OR2T1: variants seen among roughly 807,000 people sequenced by gnomAD.
OR2T1 encodes olfactory receptor family 2 subfamily T member 1.
For synonymous variants in OR2T1, 186 were observed against 145.4 expected (o/e 1.28, Z -2.01); for missense variants, 440 against 390.2 (o/e 1.13, Z -1.07).
At chr1:248,404,481 T>G (rs1661511716) in intron 1 of OR2T1, among the ~76,000 whole-genome samples, 1 of 149,224 alleles carries the variant, frequency 6.7e-6, no homozygotes, top group Non-Finnish European at 1.5e-5. Context: ...ATGATGACAT[T>G]GTACATAGTA....
At chr1:248,403,826 G>C (rs1346668363) in intron 1 of OR2T1, among the ~76,000 whole-genome samples, 1 of 152,048 alleles carries the variant, frequency 6.6e-6, no homozygotes, top group Non-Finnish European at 1.5e-5. Context: ...TAGATCTTTT[G>C]TATGCAGATA....
chr1:248,403,999 T>TTATA (rs144768956), intron 1 of OR2T1, among the ~76,000 whole-genome samples: 6 of 149,658 alleles, frequency 4.0e-5, no homozygotes, highest in African/African-American at 1.2e-4. Context: ...ATGTATATAC[T>TTATA]TATATATATA....
Position 248,407,262 on chromosome 1 carries a change from T to A in OR2T1, c.*158T>A, listed in dbSNP as rs149557507. 2.8e-4 allele frequency: 164 copies of A among 594,778 alleles called. No individual in the cohort carries two copies. The highest frequency in any genetic ancestry group is 3.6e-4 in the Non-Finnish European group (132 of 371,658). The allele number at this position is 594,778 out of a possible 1,614,324, so 36.8% of individuals were successfully genotyped here. ...GGTTCATAACTCCATAGTTATGATG[T>A]TGTGGTTTTTTAGGCCTCAGAAAAC... On this transcript the variant is annotated 3_prime_UTR_variant, in exon 2 of 2. Transcript: ENST00000642005.
At position 248,406,165 on chromosome 1, in the gene OR2T1, A is replaced by G. The variant is rs763836739; in HGVS notation, c.18A>G (p.Thr6=). The G allele has an allele frequency of 1.9e-6, 3 of 1,613,856 alleles. No homozygotes were observed. The highest frequency in any genetic ancestry group is 1.1e-5 in the South Asian group (1 of 91,086). The change falls in exon 2 of 2, where the codon ACA becomes ACG. Residue 6 remains threonine, a synonymous_variant. Transcript: ENST00000642005. ...TAGGATCAATGGAAGAGTACAACAC[A>G]TCCTCTACAGACTTCACTTTCATGG... The part of the protein sequence containing the change: MEEYN[T]SSTDFTFMGL...
chr1:248,403,644 A>C (rs758208535), intron 1 of OR2T1, among the ~76,000 whole-genome samples: 53 of 152,140 alleles, frequency 3.5e-4, no homozygotes, highest in Non-Finnish European at 5.7e-4. Context: ...TTTTCTGATT[A>C]TTTTTATGTG....
chr1:248,407,176 G>C lies in OR2T1; in HGVS notation c.*72G>C. The C allele has an allele frequency of 5.6e-6, 8 of 1,430,238 alleles. No individual in the cohort carries two copies. Among genetic ancestry groups the C allele is most frequent in the Non-Finnish European group, 7.6e-6 (8 of 1,059,082 alleles). The allele number at this position is 1,430,238 out of a possible 1,614,324, so 88.6% of individuals were successfully genotyped here. A position where few individuals can be genotyped will look rare whatever the true frequency, so the allele number is the denominator to read the frequency against. ...CACTGTGGCTGTGCTTTCATCAAAA[G>C]ATGAAGCAAAAAGGGAGGGAGTCAT... On this transcript the variant is annotated 3_prime_UTR_variant, in exon 2 of 2. Coordinates refer to ENST00000642005, the MANE Select transcript of OR2T1 (RefSeq NM_030904.2).
intron 1 of OR2T1, among the ~76,000 whole-genome samples, chr1:248,403,877 T>C (rs1026757452): frequency 2.6e-5 from 4 of 152,108 alleles, no homozygotes; most frequent in African/African-American, 7.2e-5. Context: ...GAGTAGACTT[T>C]AGAATTTCCC....
intron 1 of OR2T1, chr1:248,405,852 A>T (rs962223729): frequency 1.4e-6 from 1 of 701,020 alleles, no homozygotes; most frequent in Non-Finnish European, 2.4e-6. Context: ...ATGCAACCTT[A>T]GGCATTGTTA....
rs367829522 is a variant in OR2T1, at chr1:248,406,334, A to G, written c.187A>G (p.Ser63Gly). Residue 63 changes from serine to glycine, a missense_variant, in exon 2 of 2, where the codon AGC becomes GGC. Transcript: ENST00000642005. ...RLHTPMYFLLSHLSLIDMMYI... is the reference protein window; with the variant it reads ...RLHTPMYFLLGHLSLIDMMYI... ...TCATACACCCATGTACTTCCTCCTC[A>G]GCCACCTTTCCTTAATTGACATGAT... The G allele has an allele frequency of 4.3e-6, 7 of 1,613,958 alleles. No individual in the cohort carries two copies. The highest frequency in any genetic ancestry group is 5.9e-6 in the Non-Finnish European group (7 of 1,180,008).
In OR2T1 at chr1:248,407,111, A is replaced by C; in HGVS notation, c.*7A>C. 2.6e-6 allele frequency: 4 copies of C among 1,554,758 alleles called. No individual in the cohort carries two copies. Among genetic ancestry groups the C allele is most frequent in the East Asian group, 2.3e-5 (1 of 44,310 alleles). ...GTCAGGAGGTGTCTTTTGACAGTCG[A>C]CTCCTTCCCATGCATATGGTAAATG... On this transcript the variant is annotated 3_prime_UTR_variant, in exon 2 of 2. Coordinates refer to ENST00000642005, the MANE Select transcript of OR2T1 (RefSeq NM_030904.2).
At chr1:248,404,546 T>TTATATATATATATATATA (rs1224274738) in intron 1 of OR2T1, among the ~76,000 whole-genome samples, 3,184 of 134,874 alleles carry the variant, frequency 0.024, 109 homozygotes, top group African/African-American at 0.067. Context: ...AAAATATACA[T>TTATATATATATATATATA]TATATATATA....
chr1:248,407,468 T>A lies in OR2T1; in HGVS notation c.*364T>A. The A allele has an allele frequency of 4.5e-6, 1 of 222,150 alleles. No homozygotes were observed. The allele number at this position is 222,150 out of a possible 1,614,324, so 13.8% of individuals were successfully genotyped here. On this transcript the variant is annotated 3_prime_UTR_variant, in exon 2 of 2. Transcript: ENST00000642005. ...CCTCTGTTTCAAAAGAGGTCTTCTC[T>A]CATACCCTGGGGGAGGGAATGCTAT...
intron 1 of OR2T1, among the ~76,000 whole-genome samples, chr1:248,403,787 C>T (rs906834703): frequency 6.6e-6 from 1 of 152,010 alleles, no homozygotes; most frequent in African/African-American, 2.4e-5. Flanking sequence ...TCATAATTTA[C>T]TTTGAGGAGG....
Position 248,407,411 on chromosome 1 carries a change from C to G in OR2T1, c.*307C>G, listed in dbSNP as rs944765875. 8 of 343,318 alleles carry G rather than the reference C, an allele frequency of 2.3e-5. No homozygotes were observed. Among genetic ancestry groups the G allele is most frequent in the Non-Finnish European group, 3.7e-5 (7 of 191,268 alleles). The allele number at this position is 343,318 out of a possible 1,614,324, so 21.3% of individuals were successfully genotyped here. ...CCGCTTTTGGTCACAAAGAAATTATCTGACTACCTTGTCTGACTGTATGTC... is the reference window on the plus strand; with the variant it reads ...CCGCTTTTGGTCACAAAGAAATTATGTGACTACCTTGTCTGACTGTATGTC... On this transcript the variant is annotated 3_prime_UTR_variant, in exon 2 of 2. Coordinates refer to ENST00000642005, the MANE Select transcript of OR2T1 (RefSeq NM_030904.2).
chr1:248,404,227 G>A (rs28678383), intron 1 of OR2T1, among the ~76,000 whole-genome samples: 2 of 40,822 alleles, frequency 4.9e-5, no homozygotes, highest in Admixed American at 4.6e-4. Context: ...ATGGGAGTAA[G>A]GGTGAACAGA....
intron 1 of OR2T1, chr1:248,405,882 G>T: frequency 4.7e-6 from 4 of 853,636 alleles, no homozygotes; most frequent in Non-Finnish European, 7.2e-6. Context: ...TCGTAATACA[G>T]TATCATCTGC....
intron 1 of OR2T1, among the ~76,000 whole-genome samples, chr1:248,404,841 G>T (rs1235198041): frequency 6.6e-6 from 1 of 151,896 alleles, no homozygotes; most frequent in East Asian, 1.9e-4. Flanking sequence ...AATATATAAT[G>T]AATTGAGACT....
chr1:248,404,929 G>A (rs1661524091), intron 1 of OR2T1, among the ~76,000 whole-genome samples: 1 of 152,068 alleles, frequency 6.6e-6, no homozygotes, highest in Non-Finnish European at 1.5e-5. Flanking sequence ...ATTGGTGAGA[G>A]GGGCTTTTAT....
intron 1 of OR2T1, among the ~76,000 whole-genome samples, chr1:248,405,528 A>G (rs532148933): frequency 6.6e-6 from 1 of 152,324 alleles, no homozygotes; most frequent in African/African-American, 2.4e-5. Flanking sequence ...AATTTGCAAG[A>G]GTAGTTTCCG....
Sources: allele counts gnomAD v4.1 joint callset (sites outside exome capture counted in the v4.1 genomes callset), GRCh38; gene constraint gnomAD v4.1.1; transcripts MANE v1.5; gene names NCBI Gene and HGNC (gene_info 2026-07-23, HGNC 2026-07-21).